SPTBN1: variants seen among roughly 807,000 people sequenced by gnomAD.
SPTBN1 encodes spectrin beta, non-erythrocytic 1, also known as spectrin beta chain, non-erythrocytic 1.
Under a neutral mutation model 266.4 loss-of-function variants are expected in SPTBN1, and 32 were observed. The observed-to-expected ratio is 0.12, with a 90% CI of 0.09 to 0.16. SPTBN1 has a LOEUF of 0.16. Ranked by LOEUF, SPTBN1 falls within the 10% of genes least tolerant of loss-of-function variation. The probability of loss-of-function intolerance (pLI) is 1.00; values close to 1 mark genes in which losing one functional copy is unlikely to be tolerated. For synonymous variants in SPTBN1, 1,336 were observed against 1,162.2 expected (o/e 1.15, Z -3.04); for missense variants, 2,296 against 3,067.1 (o/e 0.75, Z 5.94).
intron 24 of SPTBN1, among the ~76,000 whole-genome samples, chr2:54,647,487 C>T (rs892493149): frequency 3.3e-5 from 5 of 152,126 alleles, no homozygotes; most frequent in Admixed American, 6.5e-5. Flanking sequence ...AAATATCTCC[C>T]GTTGGCCAAG....
chr2:54,648,089 G>A (rs1680036171), intron 24 of SPTBN1, among the ~76,000 whole-genome samples: 1 of 152,210 alleles, frequency 6.6e-6, no homozygotes, highest in Non-Finnish European at 1.5e-5. Flanking sequence ...GAAGAGGTGA[G>A]TGTGTGGTAC....
In SPTBN1 at chr2:54,670,641, C is replaced by T. The variant is rs1368661953; in HGVS notation, c.*2072C>T. On this transcript the variant is annotated 3_prime_UTR_variant, in exon 36 of 36. Transcript: ENST00000356805. The stretch of plus-strand genomic sequence containing the variant: ...AATTGTGATTAATTACAGTCTTGTA[C>T]TCTTGACAAAGCTGTGCAGATGGCA... The T allele has an allele frequency of 5.0e-6, 2 of 398,544 alleles. No individual in the cohort carries two copies. Among genetic ancestry groups the T allele is most frequent in the Admixed American group, 4.4e-5 (1 of 22,726 alleles). The allele number at this position is 398,544 out of a possible 1,614,324, so 24.7% of individuals were successfully genotyped here. A position where few individuals can be genotyped will look rare whatever the true frequency, so the allele number is the denominator to read the frequency against.
intron 1 of SPTBN1, among the ~76,000 whole-genome samples, chr2:54,493,116 C>G (rs1021619251): frequency 5.3e-5 from 8 of 150,724 alleles, no homozygotes; most frequent in African/African-American, 2.0e-4. Context: ...AGGGATTCTC[C>G]CACCTCAGCC....
chr2:54,599,094 G>A lies in SPTBN1; in HGVS notation c.151G>A (p.Glu51Lys). 1 of 1,613,892 alleles carries A rather than the reference G, an allele frequency of 6.2e-7. No homozygotes were observed. The highest frequency in any genetic ancestry group is 8.5e-7 in the Non-Finnish European group (1 of 1,179,938). Residue 51 changes from glutamate (E) to lysine (K), a missense_variant and splice_region_variant, in exon 3 of 36, where the codon GAG becomes AAG. By Grantham distance (56) the Glu-to-Lys change is moderately conservative. Transcript: ENST00000356805. ...AACAAGTTCTTCTCTGCTTGCAGAT[G>A]AGCGTGAAGCCGTGCAGAAGAAGAC... ...ERSRIKALAD[E>K]REAVQKKTFT...
intron 3 of SPTBN1, among the ~76,000 whole-genome samples, chr2:54,604,728 G>A (rs1019624125): frequency 2.0e-5 from 3 of 152,190 alleles, no homozygotes; most frequent in South Asian, 4.1e-4. Context: ...GATATGGCTG[G>A]TAAAGGTTTA....
chr2:54,533,975 G>T lies in SPTBN1; in HGVS notation c.148+7409G>T, dbSNP rs1671442893. On this transcript the variant is annotated intron_variant, in intron 2 of 35. Coordinates refer to ENST00000356805, the MANE Select transcript of SPTBN1 (RefSeq NM_003128.3). This position sits in a 1 kb window ranked among gnomAD's most constrained non-coding sequence, Gnocchi z 4.2. ...ACACCCCAGTCATTTTAAGGGGTAG[G>T]GTCTAGTGACCTAAAGAGCACTGGA... Among the ~76,000 whole-genome samples, 1 of 152,034 alleles carries T rather than the reference G, an allele frequency of 6.6e-6. No homozygotes were observed. Among genetic ancestry groups the T allele is most frequent in the African/African-American group, 2.4e-5 (1 of 41,378 alleles).
intron 1 of SPTBN1, among the ~76,000 whole-genome samples, chr2:54,480,991 G>C (rs1454698442): frequency 6.6e-6 from 1 of 152,070 alleles, no homozygotes; most frequent in East Asian, 1.9e-4. Context: ...TCAATGTAGA[G>C]GGAGCTACTT....
intron 2 of SPTBN1, among the ~76,000 whole-genome samples, chr2:54,598,342 C>G (rs1676243134): frequency 6.6e-6 from 1 of 152,158 alleles, no homozygotes; most frequent in African/African-American, 2.4e-5. Flanking sequence ...TAGAAGAGAA[C>G]ATTGAATCCT....
rs772434216 is a variant in SPTBN1 at position 54,624,784 on chromosome 2, G to A, written c.1183-20G>A. The A allele has an allele frequency of 6.2e-7, 1 of 1,613,968 alleles. No homozygotes were observed. Among genetic ancestry groups the A allele is most frequent in the South Asian group, 1.1e-5 (1 of 91,066 alleles). On this transcript the variant is annotated intron_variant, in intron 10 of 35. Transcript: ENST00000356805. Reference sequence around the variant, plus strand: ...TGCAGGAAACTGTGTTTGTGTGTGTGTGTATTTTCATTTTTGTAGGCCTGG... The same window carrying A: ...TGCAGGAAACTGTGTTTGTGTGTGTATGTATTTTCATTTTTGTAGGCCTGG...
intron 2 of SPTBN1, among the ~76,000 whole-genome samples, chr2:54,547,580 C>T (rs72918768): frequency 0.069 from 10,576 of 152,228 alleles, 1,135 homozygotes; most frequent in African/African-American, 0.23. Flanking sequence ...CTACCAACAG[C>T]GTACAAGGGT....
rs570079620 is a variant in SPTBN1, at chr2:54,626,873, A to G, written c.1644+639A>G. On this transcript the variant is annotated intron_variant, in intron 12 of 35. Transcript: ENST00000356805. This position sits in a 1 kb window ranked among gnomAD's most constrained non-coding sequence, Gnocchi z 4.7. ...TGACTGCTCTTAGCATAGAGTTCCAACCTTTCCCCCTTCCCAGGAAGAGAC... is the reference window on the plus strand; with the variant it reads ...TGACTGCTCTTAGCATAGAGTTCCAGCCTTTCCCCCTTCCCAGGAAGAGAC... 3.0e-4 allele frequency among the ~76,000 whole-genome samples: 45 copies of G among 152,222 alleles called. No homozygotes were observed. Among genetic ancestry groups the G allele is most frequent in the African/African-American group, 1.1e-3 (45 of 41,528 alleles).
chr2:54,637,754 G>A lies in SPTBN1; in HGVS notation c.3809G>A (p.Arg1270Lys). 1.2e-6 allele frequency: 2 copies of A among 1,613,858 alleles called. No homozygotes were observed. Among genetic ancestry groups the A allele is most frequent in the Non-Finnish European group, 1.7e-6 (2 of 1,179,830 alleles). ...GAGACAGCCAGTGAACTTTTGATGA[G>A]GTTGAAGGACAACAGGGATCTACAG... ...NRETASELLM[R>K]LKDNRDLQKF... The change falls in exon 18 of 36, where the codon AGG (arginine) becomes AAG (lysine). Residue 1270 changes from arginine to lysine, a missense_variant. Physicochemically the swap from Arg to Lys is conservative, Grantham distance 26. Around this residue, in one of 12 missense-constraint regions of SPTBN1, gnomAD observed 386 missense variants for 486.1 expected, o/e 0.79. Coordinates refer to ENST00000356805, the MANE Select transcript of SPTBN1 (RefSeq NM_003128.3).
chr2:54,667,644 G>A lies in SPTBN1; in HGVS notation c.6874G>A (p.Asp2292Asn), dbSNP rs1361750474. The A allele has an allele frequency of 3.1e-6, 5 of 1,613,452 alleles. No individual in the cohort carries two copies. Among genetic ancestry groups the A allele is most frequent in the Non-Finnish European group, 4.2e-6 (5 of 1,179,522 alleles). ...GNEYLFQAKD[D>N]EEMNTWIQAI... ...TGAGTACCTCTTCCAAGCCAAAGAC[G>A]ATGTAAGTTTCTAAATGTTATTTCT... The change falls in exon 35 of 36, where the codon GAT becomes AAT. Residue 2292 changes from aspartate (D) to asparagine (N), a missense_variant and splice_region_variant. Physicochemically the swap from Asp to Asn is conservative, Grantham distance 23. This residue lies in a region of SPTBN1 where 347 missense variants were observed against 368.5 expected (regional missense o/e 0.94). Transcript: ENST00000356805.
intron 34 of SPTBN1, 98 bp from the exon 35 acceptor site, chr2:54,667,506 C>A: frequency 8.5e-7 from 1 of 1,176,010 alleles, no homozygotes; most frequent in South Asian, 1.3e-5. Context: ...TGTTGTGACT[C>A]CTGTGGTCTA....
chr2:54,620,839 T>C (rs910894024), intron 7 of SPTBN1, among the ~76,000 whole-genome samples: 1 of 152,158 alleles, frequency 6.6e-6, no homozygotes, highest in African/African-American at 2.4e-5. Flanking sequence ...GACTGAGTAA[T>C]TTTGAGCTAG....
At chr2:54,509,619 G>C (rs1010346415) in intron 1 of SPTBN1, among the ~76,000 whole-genome samples, 5 of 152,216 alleles carry the variant, frequency 3.3e-5, no homozygotes, top group African/African-American at 9.7e-5. Flanking sequence ...CATTGCTAAT[G>C]AGATTAGAAA....
rs1174829009 is a variant in SPTBN1, at chr2:54,533,538, G to A, written c.148+6972G>A. Among the ~76,000 whole-genome samples, 1 of 152,112 alleles carries A rather than the reference G, an allele frequency of 6.6e-6. No individual in the cohort carries two copies. The highest frequency in any genetic ancestry group is 1.9e-4 in the East Asian group (1 of 5,200). On this transcript the variant is annotated intron_variant, in intron 2 of 35. Transcript: ENST00000356805. The surrounding 1 kb of genome is among the most constrained non-coding windows in gnomAD (Gnocchi z 4.2). ...GACTATATATGTATACAAGTGCCTG[G>A]AAGTTAGTATAGGCAATGATTGCTG...
chr2:54,509,419 T>C (rs569348314), intron 1 of SPTBN1, among the ~76,000 whole-genome samples: 4 of 152,270 alleles, frequency 2.6e-5, no homozygotes, highest in East Asian at 1.9e-4. Flanking sequence ...TTGGAAGTTA[T>C]GAGAACTATA....
At chr2:54,608,311 G>A (rs72920549) in intron 3 of SPTBN1, among the ~76,000 whole-genome samples, 1,566 of 152,290 alleles carry the variant, frequency 0.01, 32 homozygotes, top group African/African-American at 0.034. Flanking sequence ...GAGTTCCTGG[G>A]CTCTGTGGTC....
Sources: allele counts gnomAD v4.1 joint callset (sites outside exome capture counted in the v4.1 genomes callset), GRCh38; gene constraint gnomAD v4.1.1; regional missense constraint gnomAD v4.1.1; non-coding constraint Gnocchi (gnomAD v3.1); transcripts MANE v1.5; gene names NCBI Gene and HGNC (gene_info 2026-07-23, HGNC 2026-07-21).